The following DPYSL3 variants were observed in gnomAD, a reference collection of about 807,000 sequenced individuals.
The protein encoded by DPYSL3 is dihydropyrimidinase like 3, also known as dihydropyrimidinase-related protein 3.
A neutral mutation model predicts 66.1 loss-of-function variants in DPYSL3; 16 were observed. That is an observed-to-expected ratio of 0.24 (90% CI 0.16 to 0.37). The LOEUF (loss-of-function observed/expected upper bound fraction) is 0.37. Ranked by LOEUF, DPYSL3 falls within the 10% of genes least tolerant of loss-of-function variation. The probability of loss-of-function intolerance (pLI) is 1.00; values close to 1 mark genes in which losing one functional copy is unlikely to be tolerated. For synonymous variants in DPYSL3, 338 were observed against 345.1 expected, an observed-to-expected ratio of 0.98 and a Z score of 0.23; for missense variants, 738 against 916.2, an observed-to-expected ratio of 0.81 and a Z score of 2.51.
intron 1 of DPYSL3, among the ~76,000 whole-genome samples, chr5:147,488,657 A>T (rs140110057): frequency 1.4e-4 from 21 of 152,222 alleles, no homozygotes; most frequent in African/African-American, 5.1e-4. Flanking sequence ...TTGAGGCTGC[A>T]ATGAGTCATG....
chr5:147,456,755 T>C (rs912503562), intron 1 of DPYSL3, among the ~76,000 whole-genome samples: 2 of 151,880 alleles, frequency 1.3e-5, no homozygotes, highest in Non-Finnish European at 2.9e-5. Flanking sequence ...CACACCTGGC[T>C]AATTTTTGTA....
intron 1 of DPYSL3, among the ~76,000 whole-genome samples, chr5:147,458,132 G>A (rs948886650): frequency 4.6e-5 from 7 of 152,156 alleles, no homozygotes; most frequent in Non-Finnish European, 8.8e-5. Flanking sequence ...AAATGAGGCC[G>A]AGACCTGAGA....
intron 1 of DPYSL3, among the ~76,000 whole-genome samples, chr5:147,440,144 T>TA (rs1752505750): frequency 6.6e-6 from 1 of 151,894 alleles, no homozygotes; most frequent in Non-Finnish European, 1.5e-5. Flanking sequence ...CTACTAAAAA[T>TA]ACAAAAAAAT....
At chr5:147,414,786 T>C (rs1184389763) in intron 4 of DPYSL3, among the ~76,000 whole-genome samples, 17 of 152,104 alleles carry the variant, frequency 1.1e-4, no homozygotes, top group Admixed American at 1.0e-3. Flanking sequence ...TATCATCCTC[T>C]GAGGGGGTCA....
intron 1 of DPYSL3, among the ~76,000 whole-genome samples, chr5:147,494,924 C>G (rs1414937374): frequency 6.9e-6 from 1 of 145,304 alleles, no homozygotes; most frequent in Non-Finnish European, 1.5e-5. Context: ...ATATTACAAA[C>G]AACTGTATAC....
chr5:147,471,124 A>G (rs996941699), intron 1 of DPYSL3, among the ~76,000 whole-genome samples: 9 of 152,294 alleles, frequency 5.9e-5, no homozygotes, highest in African/African-American at 2.2e-4. Flanking sequence ...ACATACATAC[A>G]TAAAGAAACT....
chr5:147,454,627 C>T (rs1444861533), intron 1 of DPYSL3, among the ~76,000 whole-genome samples: 4 of 152,228 alleles, frequency 2.6e-5, no homozygotes, highest in Admixed American at 1.3e-4. Flanking sequence ...GTAGCCCAGA[C>T]ACGTTCCTGG....
chr5:147,453,445 G>C (rs1025205016), intron 1 of DPYSL3: 47 of 1,399,284 alleles, frequency 3.4e-5, no homozygotes, highest in Admixed American at 2.9e-5. Flanking sequence ...GTCCCTCCCC[G>C]GGGACCAGGC....
At position 147,427,850 on chromosome 5, in the gene DPYSL3, A is replaced by T. The variant is rs116809540; in HGVS notation, c.382-2887T>A. Among the ~76,000 whole-genome samples the T allele has an allele frequency of 4.8e-3, 729 of 152,248 alleles. 1 individual carries two copies. Among genetic ancestry groups the T allele is most frequent in the Non-Finnish European group, 8.4e-3 (568 of 68,010 alleles). On this transcript the variant is annotated intron_variant, in intron 1 of 13. Transcript: ENST00000343218. ...AGAGTACCCTCCCTCTCATAACTCA[A>T]TGCTTTCCTGATTTTCTTCATCTTC...
At chr5:147,496,647 A>C (rs1753515918) in intron 1 of DPYSL3, among the ~76,000 whole-genome samples, 1 of 152,218 alleles carries the variant, frequency 6.6e-6, no homozygotes, top group Non-Finnish European at 1.5e-5. Context: ...ACACATGAAA[A>C]AATGCTCATC....
At chr5:147,451,170 A>G (rs1205090219) in intron 1 of DPYSL3, among the ~76,000 whole-genome samples, 8 of 152,226 alleles carry the variant, frequency 5.3e-5, no homozygotes, top group African/African-American at 1.7e-4. Flanking sequence ...TTACAAATGG[A>G]TTCCTTATCC....
chr5:147,453,523 G>GA (rs1581203043), intron 1 of DPYSL3: 1 of 1,523,192 alleles, frequency 6.6e-7, no homozygotes. Flanking sequence ...AGCGAGGAGG[G>GA]AGGGAGCAGC....
intron 1 of DPYSL3, among the ~76,000 whole-genome samples, chr5:147,426,452 T>C (rs1308098655): frequency 6.6e-6 from 1 of 152,014 alleles, no homozygotes; most frequent in Non-Finnish European, 1.5e-5. Flanking sequence ...CTGAGACATA[T>C]GTCAGGATTG....
chr5:147,453,521 G>C, intron 1 of DPYSL3: 1 of 1,522,578 alleles, frequency 6.6e-7, no homozygotes, highest in Non-Finnish European at 8.8e-7. Context: ...CGAGCGAGGA[G>C]GGAGGGAGCA....
intron 1 of DPYSL3, among the ~76,000 whole-genome samples, chr5:147,472,171 A>G (rs1452380269): frequency 6.6e-6 from 1 of 152,140 alleles, no homozygotes; most frequent in African/African-American, 2.4e-5. Flanking sequence ...TCCATTACAC[A>G]CTGCCTCACT....
At position 147,477,829 on chromosome 5, in the gene DPYSL3, G is replaced by A. The variant is rs533166642; in HGVS notation, c.381+31649C>T. Among the ~76,000 whole-genome samples the A allele has an allele frequency of 9.2e-5, 14 of 151,608 alleles. No individual in the cohort carries two copies. In the South Asian group the frequency reaches 1.5e-3, roughly 16 times the overall value. On this transcript the variant is annotated intron_variant, in intron 1 of 13. Coordinates refer to ENST00000343218, the MANE Select transcript of DPYSL3 (RefSeq NM_001197294.2). ...GATCTCCTGACCTCATGATCCACCCGCCTCGGCCTCCCAAAGTGCTGGGAT... is the reference window on the plus strand; with the variant it reads ...GATCTCCTGACCTCATGATCCACCCACCTCGGCCTCCCAAAGTGCTGGGAT...
chr5:147,500,474 C>A (rs891109992), intron 1 of DPYSL3, among the ~76,000 whole-genome samples: 1 of 151,966 alleles, frequency 6.6e-6, no homozygotes, highest in Middle Eastern at 3.4e-3. Flanking sequence ...ATTAGCCGGG[C>A]GTGGTTGTGC....
At chr5:147,492,307 T>A (rs200958937) in intron 1 of DPYSL3, among the ~76,000 whole-genome samples, 16 of 152,166 alleles carry the variant, frequency 1.1e-4, no homozygotes, top group African/African-American at 3.4e-4. Context: ...AGGAAAATGA[T>A]ATAGGTCAGA....
At chr5:147,396,522 G>A (rs1260555302) in intron 12 of DPYSL3, among the ~76,000 whole-genome samples, 3 of 152,180 alleles carry the variant, frequency 2.0e-5, no homozygotes, top group East Asian at 1.9e-4. Context: ...GAGCCTGACC[G>A]TGCAGGATGG....
Sources: allele counts gnomAD v4.1 joint callset (sites outside exome capture counted in the v4.1 genomes callset), GRCh38; gene constraint gnomAD v4.1.1; transcripts MANE v1.5; gene names NCBI Gene and HGNC (gene_info 2026-07-23, HGNC 2026-07-21).